Variants in PHLPP2 observed in about 807,000 individuals in gnomAD.
The protein encoded by PHLPP2 is PH domain and leucine rich repeat protein phosphatase 2.
In PHLPP2, 66 loss-of-function variants were observed where a neutral mutation model predicts 124.9. The observed-to-expected ratio is 0.53, with a 90% CI of 0.43 to 0.65. The LOEUF (loss-of-function observed/expected upper bound fraction) is 0.65. PHLPP2 is among the 30% of genes least tolerant of loss of function. The pLI, the probability that PHLPP2 is intolerant of heterozygous loss-of-function variation, is 0.00. For missense variants in PHLPP2, 1,685 were observed against 1,600.4 expected (o/e 1.05, Z -0.90); for synonymous variants, 681 against 624.7 (o/e 1.09, Z -1.34).
intron 1 of PHLPP2, among the ~76,000 whole-genome samples, chr16:71,722,177 A>T (rs1019499432): frequency 3.9e-5 from 6 of 152,140 alleles, no homozygotes; most frequent in Non-Finnish European, 8.8e-5. Flanking sequence ...CATCCTTGTA[A>T]TTCCAACACT....
intron 5 of PHLPP2, 38 bp from the exon 6 acceptor site, chr16:71,681,943 A>T (rs568767342): frequency 4.1e-6 from 6 of 1,480,526 alleles, no homozygotes; most frequent in Non-Finnish European, 3.6e-6. Flanking sequence ...CTGAGCTAGT[A>T]CTGGATGTCT....
chr16:71,672,223 TAGTA>T (rs1248391211), intron 10 of PHLPP2, 35 bp downstream of exon 10: 1 of 1,500,482 alleles, frequency 6.7e-7, no homozygotes. Context: ...ATCTCTTAAA[TAGTA>T]AGAAGCAAGC....
chr16:71,704,142 C>CT (rs1329411360), intron 2 of PHLPP2, among the ~76,000 whole-genome samples: 1 of 151,908 alleles, frequency 6.6e-6, no homozygotes, highest in Non-Finnish European at 1.5e-5. Context: ...AACTCCATCT[C>CT]TGCTAAAAAT....
At chr16:71,687,306 AC>A (rs2045063411) in intron 4 of PHLPP2, among the ~76,000 whole-genome samples, 1 of 152,182 alleles carries the variant, frequency 6.6e-6, no homozygotes. Context: ...TATTCTGAAT[AC>A]AAGTCCTTTG....
At chr16:71,688,743 T>C (rs1000017270) in intron 4 of PHLPP2, among the ~76,000 whole-genome samples, 8 of 152,068 alleles carry the variant, frequency 5.3e-5, no homozygotes, top group Admixed American at 2.0e-4. Context: ...TCATTCACTC[T>C]TTCCCTCTCA....
At chr16:71,695,874 T>C (rs1419877665) in intron 3 of PHLPP2, among the ~76,000 whole-genome samples, 1 of 152,128 alleles carries the variant, frequency 6.6e-6, no homozygotes, top group Non-Finnish European at 1.5e-5. Flanking sequence ...ATATACTATA[T>C]AAAAATAATC....
chr16:71,654,923 T>A (rs2044729342), intron 17 of PHLPP2: 1 of 237,914 alleles, frequency 4.2e-6, no homozygotes, highest in African/African-American at 2.2e-5. Flanking sequence ...GACAATCTTA[T>A]GAAAGCTGAC....
intron 17 of PHLPP2, 120 bp downstream of exon 17, chr16:71,655,120 A>C (rs745997535): frequency 2.5e-5 from 18 of 706,626 alleles, no homozygotes; most frequent in Non-Finnish European, 4.3e-5. Context: ...CATAGAAGAC[A>C]ACAACGTGAG....
intron 2 of PHLPP2, among the ~76,000 whole-genome samples, chr16:71,713,396 T>C (rs532693036): frequency 6.6e-5 from 10 of 152,330 alleles, no homozygotes; most frequent in Non-Finnish European, 7.4e-5. Context: ...ATATAACCTC[T>C]ATGAAGAAGA....
At chr16:71,709,152 T>C (rs1195202728) in intron 2 of PHLPP2, among the ~76,000 whole-genome samples, 1 of 152,190 alleles carries the variant, frequency 6.6e-6, no homozygotes, top group Non-Finnish European at 1.5e-5. Flanking sequence ...TTTAAAATTT[T>C]TAAATAGCAC....
At chr16:71,672,885 C>A (rs930590152) in intron 9 of PHLPP2, among the ~76,000 whole-genome samples, 9 of 152,164 alleles carry the variant, frequency 5.9e-5, no homozygotes, top group Non-Finnish European at 1.3e-4. Context: ...ATTACTTTTG[C>A]CTATCTATGT....
Position 71,656,554 on chromosome 16 carries a change from A to T in PHLPP2, c.2390+17T>A, listed in dbSNP as rs2044743597. On this transcript the variant is annotated intron_variant, in intron 16 of 18. Coordinates refer to ENST00000568954, the MANE Select transcript of PHLPP2 (RefSeq NM_015020.3). ...CTGCCTTTTTTCTTTCTCAGTCTCC[A>T]TGGCCAATATACTCACTTATTTCTC... 5 of 1,466,810 alleles carry T rather than the reference A, an allele frequency of 3.4e-6. No individual in the cohort carries two copies. Among genetic ancestry groups the T allele is most frequent in the Non-Finnish European group, 4.8e-6 (5 of 1,046,860 alleles). The allele number at this position is 1,466,810 out of a possible 1,614,324, so 90.9% of individuals were successfully genotyped here. A position where few individuals can be genotyped will look rare whatever the true frequency, so the allele number is the denominator to read the frequency against.
chr16:71,700,726 T>C (rs1292887792), intron 3 of PHLPP2, among the ~76,000 whole-genome samples: 1 of 151,910 alleles, frequency 6.6e-6, no homozygotes, highest in Non-Finnish European at 1.5e-5. Flanking sequence ...AGGGTTTCAC[T>C]GTGTTAGCCA....
chr16:71,687,869 G>C (rs184141382), intron 4 of PHLPP2, among the ~76,000 whole-genome samples: 1 of 152,084 alleles, frequency 6.6e-6, no homozygotes, highest in East Asian at 1.9e-4. Context: ...ATGTATACCA[G>C]AGCCTTTCTG....
intron 2 of PHLPP2, among the ~76,000 whole-genome samples, chr16:71,705,961 G>C (rs1197793999): frequency 2.0e-5 from 3 of 152,198 alleles, no homozygotes; most frequent in Non-Finnish European, 4.4e-5. Flanking sequence ...ATTGGGGAGG[G>C]AAATGCTATA....
At chr16:71,660,767 C>T (rs751460398) in intron 13 of PHLPP2, among the ~76,000 whole-genome samples, 1 of 152,062 alleles carries the variant, frequency 6.6e-6, no homozygotes, top group African/African-American at 2.4e-5. Context: ...GTCCAAATCT[C>T]GTGCTTTTTT....
At position 71,652,781 on chromosome 16, in the gene PHLPP2, G is replaced by A. The variant is rs760480399; in HGVS notation, c.2817+9C>T. The A allele has an allele frequency of 2.9e-5, 46 of 1,598,734 alleles. No individual in the cohort carries two copies. The highest frequency in any genetic ancestry group is 5.4e-5 in the African/African-American group (4 of 74,638). On this transcript the variant is annotated intron_variant, in intron 18 of 18. Coordinates refer to ENST00000568954, the MANE Select transcript of PHLPP2 (RefSeq NM_015020.3). ...GGAGCAGAAGTGACTGGCGGGGAGC[G>A]GAACACACCTCTGTGATGATGGCTT...
rs533254615 is a variant in PHLPP2 at position 71,649,512 on chromosome 16, C to T, written c.3350G>A (p.Arg1117His). The change falls in exon 19 of 19, where the codon CGC becomes CAC. Residue 1117 changes from arginine to histidine, a missense_variant. Transcript: ENST00000568954. ...GGTGGGTGTTGGGTGGAGGCTGCAGCGCCGCTCTGGCCTCGGAAGCAAGGC... is the reference window on the plus strand; with the variant it reads ...GGTGGGTGTTGGGTGGAGGCTGCAGTGCCGCTCTGGCCTCGGAAGCAAGGC... ...DTALLPRPER[R>H]CSLHPTPTSG... 23 of 1,614,116 alleles carry T rather than the reference C, an allele frequency of 1.4e-5. No individual in the cohort carries two copies. The highest frequency in any genetic ancestry group is 4.4e-5 in the South Asian group (4 of 91,078).
At chr16:71,704,861 G>A (rs1047094508) in intron 2 of PHLPP2, among the ~76,000 whole-genome samples, 4 of 152,124 alleles carry the variant, frequency 2.6e-5, no homozygotes, top group African/African-American at 9.7e-5. Flanking sequence ...TTAATAAACT[G>A]CATCCTGGAG....
Sources: allele counts gnomAD v4.1 joint callset (sites outside exome capture counted in the v4.1 genomes callset), GRCh38; gene constraint gnomAD v4.1.1; transcripts MANE v1.5; gene names NCBI Gene and HGNC (gene_info 2026-07-23, HGNC 2026-07-21).